SLC29A4: variants seen among roughly 807,000 people sequenced by gnomAD.
The protein encoded by SLC29A4 is equilibrative nucleoside transporter 4.
A neutral mutation model predicts 43.9 loss-of-function variants in SLC29A4; 36 were observed. The observed-to-expected ratio is 0.82, with a 90% CI of 0.63 to 1.08. SLC29A4 has a LOEUF of 1.08. Among genes scored for constraint, SLC29A4 ranks in the 50% least tolerant of loss-of-function variants. The probability of loss-of-function intolerance (pLI) is 0.00; values close to 1 mark genes in which losing one functional copy is unlikely to be tolerated. For synonymous variants in SLC29A4, 491 were observed against 338.0 expected (o/e 1.45, Z -4.97); for missense variants, 869 against 755.3 (o/e 1.15, Z -1.77).
rs1320187781 is a variant in SLC29A4 at position 5,283,206 on chromosome 7, C to CTCCCCA, written c.-9+124_-9+125insTCCCCA. ...CGGGCGCTGCCCCCTCTCCCCAGCCCGCCCCTGTCCCGGGAACCCGAGGCC... is the reference window on the plus strand; with the variant it reads ...CGGGCGCTGCCCCCTCTCCCCAGCCCTCCCCAGCCCCTGTCCCGGGAACCCGAGGCC... On this transcript the variant is annotated intron_variant, in intron 1 of 10. Coordinates refer to ENST00000396872, the MANE Select transcript of SLC29A4 (RefSeq NM_153247.4). 71 of 150,284 alleles carry CTCCCCA rather than the reference C, an allele frequency of 4.7e-4. 1 individual carries two copies. Among genetic ancestry groups the CTCCCCA allele is most frequent in the Non-Finnish European group, 8.9e-5 (6 of 67,190 alleles). 9.3% of individuals were successfully genotyped at this position (150,284 alleles called of 1,614,324 possible). A position where few individuals can be genotyped will look rare whatever the true frequency, so the allele number is the denominator to read the frequency against.
At chr7:5,284,699 G>T (rs1396756106) in intron 1 of SLC29A4, among the ~76,000 whole-genome samples, 1 of 152,186 alleles carries the variant, frequency 6.6e-6, no homozygotes. Context: ...CAGGAAAGGT[G>T]GGGGAGAGCG....
In SLC29A4 at chr7:5,300,421, G is replaced by T; in HGVS notation, c.1210-1G>T. 6.2e-7 allele frequency: 1 copy of T among 1,611,292 alleles called. No homozygotes were observed. Among genetic ancestry groups the T allele is most frequent in the Non-Finnish European group, 8.5e-7 (1 of 1,179,704 alleles). ...GCGCCCACTTGCCTGGCTCTCTGCA[G>T]ATCCTGGCAGCCCTGCCCGTGGACT... On this transcript the variant is annotated splice_acceptor_variant, in intron 9 of 10. Coordinates refer to ENST00000396872, the MANE Select transcript of SLC29A4 (RefSeq NM_153247.4). LOFTEE classifies it high-confidence loss of function.
At chr7:5,290,610 A>T in intron 2 of SLC29A4, 122 bp from the exon 3 acceptor site, 1 of 1,300,762 alleles carries the variant, frequency 7.7e-7, no homozygotes. Flanking sequence ...AGAGGGGAGC[A>T]GGGGTCACGG....
At position 5,286,329 on chromosome 7, in the gene SLC29A4, C is replaced by G. The variant is rs537796916; in HGVS notation, c.-8-1480C>G. Among the ~76,000 whole-genome samples the G allele has an allele frequency of 6.6e-5, 10 of 152,146 alleles. No individual in the cohort carries two copies. In the South Asian group the frequency reaches 2.1e-3, roughly 32 times the overall value. Reference sequence around the variant, plus strand: ...CACAAGGTCAAGAGGTCGAGACCATCCTGGCCAACATGGTGAAACGCCATC... The same window carrying G: ...CACAAGGTCAAGAGGTCGAGACCATGCTGGCCAACATGGTGAAACGCCATC... On this transcript the variant is annotated intron_variant, in intron 1 of 10. Transcript: ENST00000396872.
At position 5,291,127 on chromosome 7, in the gene SLC29A4, C is replaced by T. The variant is rs769105333; in HGVS notation, c.305C>T (p.Thr102Ile). The T allele has an allele frequency of 8.7e-6, 14 of 1,613,676 alleles. No individual in the cohort carries two copies. Among genetic ancestry groups the T allele is most frequent in the East Asian group, 6.7e-5 (3 of 44,898 alleles). Residue 102 changes from threonine to isoleucine, a missense_variant, in exon 4 of 11, where the codon ACC becomes ATC. Coordinates refer to ENST00000396872, the MANE Select transcript of SLC29A4 (RefSeq NM_153247.4). ...VDYLHHKYPGTSIVFDMSLTY... is the reference protein window; with the variant it reads ...VDYLHHKYPGISIVFDMSLTY... Reference sequence around the variant, plus strand: ...TGCTGTCTCTGGCCCTCTGCAGGGACCTCCATCGTGTTTGACATGAGCCTC... The same window carrying T: ...TGCTGTCTCTGGCCCTCTGCAGGGATCTCCATCGTGTTTGACATGAGCCTC...
intron 5 of SLC29A4, 46 bp downstream of exon 5, chr7:5,291,867 AC>A (rs2128088368): frequency 6.4e-7 from 1 of 1,574,750 alleles, no homozygotes; most frequent in Non-Finnish European, 8.6e-7. Context: ...CCCACTTCCG[AC>A]CCCATCCCAC....
At position 5,291,751 on chromosome 7, in the gene SLC29A4, G is replaced by A; in HGVS notation, c.474G>A (p.Gln158=). ...TCAGCATCTGCGACGTGTGGCTGCAGCTCTTCTCTCGGGACCAGGCCTACG... is the reference window on the plus strand; with the variant it reads ...TCAGCATCTGCGACGTGTGGCTGCAACTCTTCTCTCGGGACCAGGCCTACG... The part of the protein sequence containing the change: ...LFISICDVWL[Q]LFSRDQAYAI... The change falls in exon 5 of 11, where the codon CAG becomes CAA. Residue 158 remains glutamine, a synonymous_variant. Coordinates refer to ENST00000396872, the MANE Select transcript of SLC29A4 (RefSeq NM_153247.4). 2 of 1,612,006 alleles carry A rather than the reference G, an allele frequency of 1.2e-6. No individual in the cohort carries two copies. Among genetic ancestry groups the A allele is most frequent in the Non-Finnish European group, 1.7e-6 (2 of 1,179,828 alleles).
chr7:5,287,755 A>T, intron 1 of SLC29A4, 54 bp from the exon 2 acceptor site: 1 of 1,566,202 alleles, frequency 6.4e-7, no homozygotes, highest in Non-Finnish European at 8.7e-7. Flanking sequence ...TGCATGAGCC[A>T]TGGATCCCTC....
intron 9 of SLC29A4, among the ~76,000 whole-genome samples, chr7:5,300,084 C>T (rs1786030363): frequency 6.6e-6 from 1 of 151,900 alleles, no homozygotes; most frequent in African/African-American, 2.4e-5. Flanking sequence ...AAAAATCACT[C>T]AGCCAGCCGT....
rs749397739 is a variant in SLC29A4 at position 5,294,867 on chromosome 7, A to G, written c.552A>G (p.Gln184=). ...GTVAFGCTVQ[Q]SSFYGYTGML... ...CTCTCTCTCTCTCTTAAGTGCAGCA[A>G]TCCAGCTTCTACGGGTACACGGGGA... is the stretch of plus-strand genomic sequence containing the variant. The change falls in exon 6 of 11, where the codon CAA becomes CAG. Residue 184 remains glutamine (Q), a synonymous_variant. Coordinates refer to ENST00000396872, the MANE Select transcript of SLC29A4 (RefSeq NM_153247.4). The G allele has an allele frequency of 1.2e-6, 2 of 1,612,220 alleles. No individual in the cohort carries two copies. The highest frequency in any genetic ancestry group is 1.7e-5 in the Admixed American group (1 of 59,936).
chr7:5,289,696 GT>G (rs1458337982), intron 2 of SLC29A4, among the ~76,000 whole-genome samples: 2 of 151,892 alleles, frequency 1.3e-5, no homozygotes, highest in Admixed American at 1.3e-4. Flanking sequence ...GACCATCACG[GT>G]CCCCCCCTTG....
chr7:5,300,515 G>A lies in SLC29A4; in HGVS notation c.1303G>A (p.Val435Ile), dbSNP rs557809993. 2.0e-5 allele frequency: 32 copies of A among 1,612,118 alleles called. No individual in the cohort carries two copies. In the East Asian group the frequency reaches 4.5e-4, roughly 22 times the overall value. ...CTTCATCCCCCTCTTCATCCTGTGC[G>A]TCTACCCCAGCGGCATGCCCGCCCT... ...VVFIPLFILCVYPSGMPALRH... is the reference protein window; with the variant it reads ...VVFIPLFILCIYPSGMPALRH... The change falls in exon 10 of 11, where the codon GTC becomes ATC. Residue 435 changes from valine (V) to isoleucine (I), a missense_variant. Coordinates refer to ENST00000396872, the MANE Select transcript of SLC29A4 (RefSeq NM_153247.4).
intron 2 of SLC29A4, among the ~76,000 whole-genome samples, chr7:5,288,666 C>T (rs530172938): frequency 6.6e-6 from 1 of 152,260 alleles, no homozygotes; most frequent in African/African-American, 2.4e-5. Context: ...CAAGCTATGC[C>T]TCACTGCAAA....
chr7:5,286,897 G>A (rs867188825), intron 1 of SLC29A4, among the ~76,000 whole-genome samples: 1 of 152,326 alleles, frequency 6.6e-6, no homozygotes, highest in Admixed American at 6.5e-5. Context: ...ACTGCAGCGC[G>A]GTGCAGGCAC....
intron 1 of SLC29A4, among the ~76,000 whole-genome samples, chr7:5,285,027 G>C (rs1214870963): frequency 1.3e-5 from 2 of 152,194 alleles, no homozygotes. Flanking sequence ...GTGGCAGGAG[G>C]AGCATTTGAT....
rs531124429 is a variant in SLC29A4, at chr7:5,300,449, C to A, written c.1237C>A (p.Arg413=). Residue 413 remains arginine (R), a synonymous_variant, in exon 10 of 11, where the codon CGG becomes AGG. Transcript: ENST00000396872. ...CCTGGCAGCCCTGCCCGTGGACTGG[C>A]GGGGCACCCACCTGCTGGCCTGCTC... ...KILAALPVDW[R]GTHLLACSCL... The A allele has an allele frequency of 5.6e-6, 9 of 1,611,146 alleles. No homozygotes were observed. Among genetic ancestry groups the A allele is most frequent in the Non-Finnish European group, 6.8e-6 (8 of 1,179,728 alleles).
At chr7:5,300,699 C>T (rs2128092572) in intron 10 of SLC29A4, 37 bp downstream of exon 10, 1 of 1,594,678 alleles carries the variant, frequency 6.3e-7, no homozygotes, top group Non-Finnish European at 8.5e-7. Flanking sequence ...GGGCGTCCTC[C>T]CAGCAGCGCA....
chr7:5,295,250 G>A (rs62441134), intron 6 of SLC29A4, among the ~76,000 whole-genome samples: 5,090 of 152,184 alleles, frequency 0.033, 123 homozygotes, highest in Middle Eastern at 0.068. Flanking sequence ...GTCTGCGTGT[G>A]CGCGTGTGTT....
chr7:5,289,886 T>C (rs1352110395), intron 2 of SLC29A4, among the ~76,000 whole-genome samples: 1 of 151,916 alleles, frequency 6.6e-6, no homozygotes, highest in Non-Finnish European at 1.5e-5. Flanking sequence ...TATCCTATAA[T>C]TTTATTTTTT....
Sources: gnomAD v4.1 joint callset for allele counts (sites outside exome capture counted in the v4.1 genomes callset) on GRCh38, gnomAD v4.1.1 for gene constraint, MANE v1.5 for transcripts, NCBI Gene and HGNC (gene_info 2026-07-23, HGNC 2026-07-21) for gene names.